The following KAZN variants were observed in gnomAD, a reference collection of about 807,000 sequenced individuals.
KAZN encodes the protein kazrin.
Under a neutral mutation model 87.4 loss-of-function variants are expected in KAZN, and 40 were observed. That is an observed-to-expected ratio of 0.46 (90% CI 0.36 to 0.60). The LOEUF (loss-of-function observed/expected upper bound fraction) is 0.60, where lower values mean the gene tolerates loss of function less well. Among genes scored for constraint, KAZN ranks in the 20% least tolerant of loss-of-function variants. The pLI, the probability that KAZN is intolerant of heterozygous loss-of-function variation, is 0.00. For synonymous variants in KAZN, 466 were observed against 458.3 expected (o/e 1.02, Z -0.22); for missense variants, 898 against 1,073.9 (o/e 0.84, Z 2.29).
intron 1 of KAZN, among the ~76,000 whole-genome samples, chr1:14,958,155 G>T (rs186459024): frequency 3.6e-4 from 55 of 152,342 alleles, no homozygotes; most frequent in African/African-American, 1.2e-3. Flanking sequence ...GAGGCCAGTG[G>T]ATCCCTAGTA....
At chr1:14,113,809 A>G (rs776928471) in intron 1 of KAZN, among the ~76,000 whole-genome samples, 2 of 152,194 alleles carry the variant, frequency 1.3e-5, no homozygotes, top group Non-Finnish European at 2.9e-5. Flanking sequence ...ATGAAGACTC[A>G]ATGACATTAT....
chr1:14,035,459 CT>C (rs1214154897), intron 1 of KAZN, among the ~76,000 whole-genome samples: 1 of 151,054 alleles, frequency 6.6e-6, no homozygotes, highest in African/African-American at 2.4e-5. Context: ...GCCTTTTTTT[CT>C]TCTTTTTTTT....
chr1:14,448,180 C>A (rs1667087630), intron 2 of KAZN, among the ~76,000 whole-genome samples: 1 of 152,226 alleles, frequency 6.6e-6, no homozygotes, highest in Non-Finnish European at 1.5e-5. Context: ...ATACAACACT[C>A]CATCTTACAG....
intron 1 of KAZN, among the ~76,000 whole-genome samples, chr1:14,631,038 C>T (rs1679522755): frequency 6.6e-6 from 1 of 152,168 alleles, no homozygotes; most frequent in Non-Finnish European, 1.5e-5. Flanking sequence ...CAGTTTTGCT[C>T]TGGGGATCCA....
chr1:14,951,908 G>A (rs1466129968), intron 1 of KAZN, among the ~76,000 whole-genome samples: 2 of 152,130 alleles, frequency 1.3e-5, no homozygotes, highest in East Asian at 3.8e-4. Context: ...CAAGAGTGGT[G>A]GCCAAGGGAG....
chr1:14,149,086 C>CCTTT (rs1645415365), intron 1 of KAZN, among the ~76,000 whole-genome samples: 1 of 108,318 alleles, frequency 9.2e-6, no homozygotes, highest in Admixed American at 1.1e-4. Context: ...TTCCTTCCTT[C>CCTTT]CTTCCTTTCT....
intron 2 of KAZN, among the ~76,000 whole-genome samples, chr1:14,385,364 A>G (rs1395239433): frequency 1.3e-5 from 2 of 151,926 alleles, no homozygotes; most frequent in East Asian, 1.9e-4. Context: ...GCTTTTGAAT[A>G]TGTTTGCTCT....
At chr1:14,999,510 C>CCCCCCA (rs1182319289) in intron 2 of KAZN, among the ~76,000 whole-genome samples, 11 of 140,374 alleles carry the variant, frequency 7.8e-5, no homozygotes, top group African/African-American at 2.9e-4. Flanking sequence ...CTCCCCCCGC[C>CCCCCCA]CCGCCATCCA....
chr1:13,940,710 C>T lies in KAZN; in HGVS notation c.91+46954C>T, dbSNP rs544432275. On this transcript the variant is annotated intron_variant, in intron 1 of 16. Coordinates refer to the KAZN transcript ENST00000636203. ...CTGGAAAATTAATAGGAAAAAAATA[C>T]GTAGTACCTTGTATATGATTGGGGT... Among the ~76,000 whole-genome samples the T allele has an allele frequency of 6.6e-5, 10 of 152,186 alleles. No homozygotes were observed. The East Asian group carries it at 1.2e-3, about 18-fold the overall frequency.
intron 1 of KAZN, among the ~76,000 whole-genome samples, chr1:13,995,668 A>G (rs1399930298): frequency 6.6e-6 from 1 of 152,212 alleles, no homozygotes; most frequent in Non-Finnish European, 1.5e-5. Context: ...GAAATTTCAC[A>G]GTTGGGAGAC....
intron 1 of KAZN, among the ~76,000 whole-genome samples, chr1:14,651,464 C>G (rs1309825187): frequency 6.6e-6 from 1 of 152,114 alleles, no homozygotes; most frequent in Non-Finnish European, 1.5e-5. Flanking sequence ...TGTGAGAGGT[C>G]ACCCTGTCTC....
intron 2 of KAZN, among the ~76,000 whole-genome samples, chr1:14,351,601 T>C (rs1173550359): frequency 6.6e-6 from 1 of 151,948 alleles, no homozygotes; most frequent in Non-Finnish European, 1.5e-5. Flanking sequence ...AACCAAAGAC[T>C]TGGTCATTAT....
intron 2 of KAZN, among the ~76,000 whole-genome samples, chr1:14,249,879 CAG>C (rs1475611075): frequency 4.0e-5 from 6 of 150,004 alleles, no homozygotes; most frequent in Admixed American, 6.7e-5. Context: ...AAAAAAAAAA[CAG>C]ATACCCCTTA....
chr1:15,010,749 G>A (rs1274317204), intron 2 of KAZN, among the ~76,000 whole-genome samples: 1 of 152,108 alleles, frequency 6.6e-6, no homozygotes. Context: ...CAGACATTCA[G>A]CAGAAGTAGC....
At chr1:14,295,555 A>C (rs930062745) in intron 2 of KAZN, among the ~76,000 whole-genome samples, 1 of 152,180 alleles carries the variant, frequency 6.6e-6, no homozygotes, top group African/African-American at 2.4e-5. Context: ...AGACATGCAG[A>C]GAGACCCAGG....
intron 2 of KAZN, among the ~76,000 whole-genome samples, chr1:14,405,374 G>A (rs887774562): frequency 6.6e-6 from 1 of 152,140 alleles, no homozygotes; most frequent in Non-Finnish European, 1.5e-5. Context: ...AGATTTTCAG[G>A]AAAGCCTGTA....
chr1:14,580,583 G>T lies in KAZN; in HGVS notation c.250-18400G>T, dbSNP rs945343193. Reference sequence around the variant, plus strand: ...GGCTGACGTTAGTGGATATGGAGGGGCTCAGGATAAGAGGCCTATAGCTGT... The same window carrying T: ...GGCTGACGTTAGTGGATATGGAGGGTCTCAGGATAAGAGGCCTATAGCTGT... On this transcript the variant is annotated intron_variant, in intron 2 of 16. Coordinates refer to the KAZN transcript ENST00000636203. Among the ~76,000 whole-genome samples the T allele has an allele frequency of 4.6e-5, 7 of 152,290 alleles. No homozygotes were observed. The East Asian group carries it at 1.3e-3, about 29-fold the overall frequency.
chr1:14,656,364 G>A (rs1158077941), intron 1 of KAZN, among the ~76,000 whole-genome samples: 1 of 152,102 alleles, frequency 6.6e-6, no homozygotes, highest in Non-Finnish European at 1.5e-5. Context: ...CAGACAGTGG[G>A]GTCAGCCTAG....
intron 2 of KAZN, among the ~76,000 whole-genome samples, chr1:14,354,657 C>CACACAA (rs1658848928): frequency 6.9e-6 from 1 of 144,408 alleles, no homozygotes; most frequent in Non-Finnish European, 1.5e-5. Flanking sequence ...CACACACACA[C>CACACAA]ACACACACAC....
Sources: allele counts gnomAD v4.1 joint callset (sites outside exome capture counted in the v4.1 genomes callset), GRCh38; gene constraint gnomAD v4.1.1; transcripts MANE v1.5; gene names NCBI Gene and HGNC (gene_info 2026-07-23, HGNC 2026-07-21).